Variants in ASTN2 observed in about 807,000 individuals in gnomAD.
ASTN2 encodes the protein astrotactin-2.
ASTN2 carries 54 observed loss-of-function variants against 139.8 expected under a neutral mutation model. The ratio of observed to expected loss-of-function variants is 0.39; its 90% CI spans 0.31 to 0.48. The LOEUF is 0.48. Among genes scored for constraint, ASTN2 ranks in the 20% least tolerant of loss-of-function variants. ASTN2 has a pLI of 0.95. For missense variants in ASTN2, 1,565 were observed against 1,725.1 expected (o/e 0.91, Z 1.64); for synonymous variants, 756 against 719.5 (o/e 1.05, Z -0.81).
In ASTN2 at chr9:117,126,717, G is replaced by C. The variant is rs555474803; in HGVS notation, c.1168+14609C>G. Among the ~76,000 whole-genome samples the C allele has an allele frequency of 6.4e-4, 98 of 152,300 alleles. 2 individuals carry two copies. Among genetic ancestry groups the C allele is most frequent in the South Asian group, 2.3e-3 (11 of 4,824 alleles). On this transcript the variant is annotated intron_variant, in intron 4 of 22. Transcript: ENST00000313400. Reference sequence around the variant, plus strand: ...GACAACTAGAATGGTTAGCACCAAAGTAATTTACTCCAGTGAACGTTTAAT... The same window carrying C: ...GACAACTAGAATGGTTAGCACCAAACTAATTTACTCCAGTGAACGTTTAAT...
intron 19 of ASTN2, among the ~76,000 whole-genome samples, chr9:116,576,557 G>A (rs1301260833): frequency 6.6e-6 from 1 of 152,204 alleles, no homozygotes; most frequent in Non-Finnish European, 1.5e-5. Context: ...GGGAGAGCAT[G>A]AGAGGATGCT....
chr9:116,583,928 G>A (rs766225985), intron 19 of ASTN2: 2 of 152,100 alleles, frequency 1.3e-5, no homozygotes, highest in Non-Finnish European at 2.9e-5. Flanking sequence ...ACCTCTGACT[G>A]AGGAATATAT....
At chr9:116,438,143 A>G (rs934102926) in intron 22 of ASTN2, among the ~76,000 whole-genome samples, 1 of 152,130 alleles carries the variant, frequency 6.6e-6, no homozygotes, top group Non-Finnish European at 1.5e-5. Context: ...AAGTCATGTG[A>G]TTCTCTCCAA....
intron 5 of ASTN2, among the ~76,000 whole-genome samples, chr9:117,078,817 C>T (rs533082410): frequency 6.6e-6 from 1 of 152,156 alleles, no homozygotes; most frequent in Non-Finnish European, 1.5e-5. Context: ...CTCACTGCAA[C>T]CTCCACCTCC....
chr9:116,919,488 A>C (rs1236366671), intron 10 of ASTN2, among the ~76,000 whole-genome samples: 1 of 152,126 alleles, frequency 6.6e-6, no homozygotes, highest in East Asian at 1.9e-4. Context: ...TCTACTGGAC[A>C]AATACTGCAG....
chr9:116,842,483 C>T (rs988873142), intron 11 of ASTN2, among the ~76,000 whole-genome samples: 1 of 152,024 alleles, frequency 6.6e-6, no homozygotes, highest in African/African-American at 2.4e-5. Flanking sequence ...TTCTTCTCAT[C>T]CCAGGAGAGC....
At chr9:116,739,151 G>A (rs545172239) in intron 13 of ASTN2, among the ~76,000 whole-genome samples, 1 of 152,248 alleles carries the variant, frequency 6.6e-6, no homozygotes, top group South Asian at 2.1e-4. Context: ...CGGGGACTCT[G>A]GCAGTGAGAG....
intron 10 of ASTN2, among the ~76,000 whole-genome samples, chr9:116,944,981 G>A (rs1218471331): frequency 2.6e-5 from 4 of 152,108 alleles, no homozygotes; most frequent in Non-Finnish European, 5.9e-5. Context: ...TTTCAGAGTC[G>A]GTCAAGTCAT....
At chr9:116,982,163 G>A (rs1395139168) in intron 7 of ASTN2, among the ~76,000 whole-genome samples, 1 of 152,226 alleles carries the variant, frequency 6.6e-6, no homozygotes, top group African/African-American at 2.4e-5. Context: ...ATAGTTCAGA[G>A]TGTGGGTGGG....
chr9:116,632,040 G>A (rs1856768855), intron 17 of ASTN2, among the ~76,000 whole-genome samples: 1 of 151,340 alleles, frequency 6.6e-6, no homozygotes, highest in Non-Finnish European at 1.5e-5. Context: ...CTTGAACCCA[G>A]GAGGTGGAGG....
rs553480585 is a variant in ASTN2 at position 117,281,528 on chromosome 9, G to T, written c.630+9798C>A. ...GCTTATTTGGGGCATATGAGAAAGG[G>T]AGTAAACAGCGTGAACCTCACTGCA... On this transcript the variant is annotated intron_variant, in intron 2 of 22. Transcript: ENST00000313400. Among the ~76,000 whole-genome samples, 5 of 152,292 alleles carry T rather than the reference G, an allele frequency of 3.3e-5. No individual in the cohort carries two copies. In the South Asian group the frequency reaches 1.0e-3, roughly 32 times the overall value.
intron 14 of ASTN2, among the ~76,000 whole-genome samples, chr9:116,729,452 T>C (rs917765939): frequency 6.6e-6 from 1 of 152,202 alleles, no homozygotes; most frequent in African/African-American, 2.4e-5. Context: ...TCTAATACTC[T>C]TATTTCGTAG....
intron 13 of ASTN2, among the ~76,000 whole-genome samples, chr9:116,793,231 T>C (rs1830603406): frequency 1.3e-5 from 2 of 152,170 alleles, no homozygotes; most frequent in Admixed American, 6.5e-5. Flanking sequence ...CATATATACA[T>C]AAAATTGTTC....
intron 18 of ASTN2, 127 bp from the exon 19 acceptor site, chr9:116,618,599 C>T (rs1488962226): frequency 1.8e-5 from 21 of 1,140,564 alleles, no homozygotes; most frequent in Middle Eastern, 3.0e-4. Context: ...CACCCATGAT[C>T]GCCAACTTGC....
chr9:117,096,173 C>T, intron 4 of ASTN2, 22 bp from the exon 5 acceptor site: 12 of 1,595,172 alleles, frequency 7.5e-6, no homozygotes, highest in Non-Finnish European at 1.0e-5. Flanking sequence ...CACAGTCTAT[C>T]AGTTAGTCTC....
intron 19 of ASTN2, among the ~76,000 whole-genome samples, chr9:116,505,638 C>T (rs988333928): frequency 6.6e-6 from 1 of 152,156 alleles, no homozygotes; most frequent in Non-Finnish European, 1.5e-5. Flanking sequence ...AAAATGTATT[C>T]CAAAACAAGA....
At chr9:116,546,885 T>C (rs1184287634) in intron 19 of ASTN2, among the ~76,000 whole-genome samples, 2 of 152,252 alleles carry the variant, frequency 1.3e-5, no homozygotes, top group East Asian at 3.9e-4. Context: ...GGAGCAGGCG[T>C]TGAACTCTTG....
chr9:116,715,405 A>G (rs55818525), intron 16 of ASTN2, among the ~76,000 whole-genome samples: 23,847 of 152,128 alleles, frequency 0.16, 2,389 homozygotes, highest in Non-Finnish European at 0.23. Context: ...CCATTCCTAA[A>G]GGTGCCAGGC....
At chr9:116,754,671 T>A (rs1829490550) in intron 13 of ASTN2, among the ~76,000 whole-genome samples, 1 of 152,162 alleles carries the variant, frequency 6.6e-6, no homozygotes. Context: ...TATTCGGCCT[T>A]TTACAGAAAA....
Sources: allele counts gnomAD v4.1 joint callset (sites outside exome capture counted in the v4.1 genomes callset), GRCh38; gene constraint gnomAD v4.1.1; transcripts MANE v1.5; gene names NCBI Gene and HGNC (gene_info 2026-07-23, HGNC 2026-07-21).